Variants in CDH23 observed in about 807,000 individuals in gnomAD.
CDH23 encodes cadherin-23.
In CDH23, 189 loss-of-function variants were observed where a neutral mutation model predicts 317.1. The ratio of observed to expected loss-of-function variants is 0.60; its 90% CI spans 0.53 to 0.67. The LOEUF (loss-of-function observed/expected upper bound fraction) is 0.67. CDH23 is among the 30% of genes least tolerant of loss of function. The pLI, the probability that CDH23 is intolerant of heterozygous loss-of-function variation, is 0.00. For synonymous variants in CDH23, 1,839 were observed against 1,876.8 expected, an observed-to-expected ratio of 0.98 and a Z score of 0.52; for missense variants, 4,401 against 4,592.4, an observed-to-expected ratio of 0.96 and a Z score of 1.20.
intron 3 of CDH23, among the ~76,000 whole-genome samples, chr10:71,478,834 T>C (rs534312069): frequency 1.6e-3 from 245 of 152,372 alleles, no homozygotes; most frequent in Non-Finnish European, 3.1e-3. Flanking sequence ...TTTCATATTT[T>C]CTTAGAGCCC....
At chr10:71,415,919 A>G (rs1293012438) in intron 1 of CDH23, among the ~76,000 whole-genome samples, 1 of 152,196 alleles carries the variant, frequency 6.6e-6, no homozygotes, top group Non-Finnish European at 1.5e-5. Context: ...AGCATGGGGA[A>G]TTTTTATAAA....
intron 9 of CDH23, among the ~76,000 whole-genome samples, chr10:71,607,230 C>T (rs1278310975): frequency 6.6e-6 from 1 of 152,240 alleles, no homozygotes; most frequent in Non-Finnish European, 1.5e-5. Flanking sequence ...GGGGCTTAGG[C>T]TGCCCACACA....
At chr10:71,404,144 G>A (rs1199400717) in intron 1 of CDH23, among the ~76,000 whole-genome samples, 4 of 152,132 alleles carry the variant, frequency 2.6e-5, no homozygotes, top group Admixed American at 6.6e-5. Flanking sequence ...ATAAAATAAT[G>A]TCAACAGATC....
chr10:71,563,156 T>C (rs1285073697), intron 6 of CDH23, among the ~76,000 whole-genome samples: 2 of 152,116 alleles, frequency 1.3e-5, no homozygotes, highest in African/African-American at 2.4e-5. Flanking sequence ...TTTCCACTCT[T>C]CGACTCTGTC....
rs1382045512 is a variant in CDH23 at position 71,798,490 on chromosome 10, C to G, written c.6966C>G (p.Asp2322Glu). Residue 2322 changes from aspartate (D) to glutamate (E), a missense_variant, in exon 50 of 70, where the codon GAC becomes GAG. Transcript: ENST00000224721. ...CACTCATTGCTGTGGCAGCCGTGGA[C>G]CCTGACAAGGGCCTTAATGGGCTGG... ...GTTLIAVAAV[D>E]PDKGLNGLVT... 2 of 1,613,866 alleles carry G rather than the reference C, an allele frequency of 1.2e-6. No homozygotes were observed. Among genetic ancestry groups the G allele is most frequent in the East Asian group, 2.2e-5 (1 of 44,894 alleles).
intron 20 of CDH23, among the ~76,000 whole-genome samples, chr10:71,692,172 G>A (rs1865207579): frequency 6.6e-6 from 1 of 152,202 alleles, no homozygotes; most frequent in South Asian, 2.1e-4. Context: ...CTGAGCCACT[G>A]GGGAGGTTAA....
chr10:71,407,921 T>G (rs1848182362), intron 1 of CDH23, among the ~76,000 whole-genome samples: 2 of 152,186 alleles, frequency 1.3e-5, no homozygotes. Context: ...ACCAATCACT[T>G]GATTCAGTGA....
intron 6 of CDH23, among the ~76,000 whole-genome samples, chr10:71,544,049 G>A (rs1463165903): frequency 2.0e-5 from 3 of 152,216 alleles, no homozygotes; most frequent in African/African-American, 4.8e-5. Flanking sequence ...CCTCGTCCTC[G>A]TGGGGCAGGA....
Position 71,730,502 on chromosome 10 carries a change from G to A in CDH23, c.3613G>A (p.Ala1205Thr), listed in dbSNP as rs886047134. Residue 1205 changes from alanine to threonine, a missense_variant, in exon 31 of 70, where the codon GCC becomes ACC. This residue lies in a region of CDH23 where 3,068 missense variants were observed against 3,203.3 expected (regional missense o/e 0.96). Coordinates refer to ENST00000224721, the MANE Select transcript of CDH23 (RefSeq NM_022124.6). Reference protein sequence around the residue: ...IVYVEDINDEAPVFTQQQYSR... With the variant: ...IVYVEDINDETPVFTQQQYSR... ...GTACGTGGAGGACATCAACGATGAG[G>A]CCCCCGTGTTCACACAGCAGCAGTA... is the stretch of plus-strand genomic sequence containing the variant. The A allele has an allele frequency of 6.2e-7, 1 of 1,613,902 alleles. No homozygotes were observed. The highest frequency in any genetic ancestry group is 1.1e-5 in the South Asian group (1 of 91,076).
At chr10:71,806,137 T>C (rs1394202206) in intron 56 of CDH23, 31 bp from the exon 57 acceptor site, 2 of 1,543,672 alleles carry the variant, frequency 1.3e-6, no homozygotes, top group East Asian at 4.9e-5. Flanking sequence ...TCTCCCAGTC[T>C]TTTCCTCTGA....
chr10:71,809,841 G>T lies in CDH23; in HGVS notation c.8744G>T (p.Arg2915Leu). 2 of 1,612,676 alleles carry T rather than the reference G, an allele frequency of 1.2e-6. No homozygotes were observed. Among genetic ancestry groups the T allele is most frequent in the Non-Finnish European group, 1.7e-6 (2 of 1,179,540 alleles). The stretch of plus-strand genomic sequence containing the variant: ...GCAGGGAGCATGGACGGCATTCTGC[G>T]CACCTTCGACCTCTTCATGGCCTAC... ...FTMGSMDGILRTFDLFMAYSP... is the reference protein window; with the variant it reads ...FTMGSMDGILLTFDLFMAYSP... Residue 2915 changes from arginine (R) to leucine (L), a missense_variant, in exon 61 of 70, where the codon CGC becomes CTC. By Grantham distance (102) the Arg-to-Leu change is moderately radical. Transcript: ENST00000224721.
rs1854807835 is a variant in CDH23, at chr10:71,523,297, T to A, written c.429+12085T>A. Among the ~76,000 whole-genome samples the A allele has an allele frequency of 2.0e-5, 3 of 152,320 alleles. No individual in the cohort carries two copies. The South Asian group carries it at 6.2e-4, about 32-fold the overall frequency. ...TAGAACTGATTGTTTTTTCCTTTCCTGGTCAAGGCTGGGGCAGGGCCAGGG... is the reference window on the plus strand; with the variant it reads ...TAGAACTGATTGTTTTTTCCTTTCCAGGTCAAGGCTGGGGCAGGGCCAGGG... On this transcript the variant is annotated intron_variant, in intron 6 of 69. Transcript: ENST00000224721.
intron 11 of CDH23, among the ~76,000 whole-genome samples, chr10:71,626,051 A>G (rs1392195077): frequency 6.6e-6 from 1 of 152,268 alleles, no homozygotes. Context: ...TACAGCATGT[A>G]TGAGACTGAC....
At chr10:71,593,473 C>T (rs920739337) in intron 9 of CDH23, among the ~76,000 whole-genome samples, 2 of 152,148 alleles carry the variant, frequency 1.3e-5, no homozygotes, top group Non-Finnish European at 2.9e-5. Flanking sequence ...AATTGTTCTA[C>T]GTCAAAGGAG....
At chr10:71,575,505 T>A (rs1858125666) in intron 8 of CDH23, among the ~76,000 whole-genome samples, 1 of 152,132 alleles carries the variant, frequency 6.6e-6, no homozygotes, top group Non-Finnish European at 1.5e-5. Flanking sequence ...CTTAACCACC[T>A]TGTGGTGCTT....
At chr10:71,479,346 C>T (rs1478921754) in intron 3 of CDH23, among the ~76,000 whole-genome samples, 1 of 152,180 alleles carries the variant, frequency 6.6e-6, no homozygotes, top group African/African-American at 2.4e-5. Flanking sequence ...CCTCAGGGAA[C>T]CCGCAGTGTG....
rs1273131697 is a variant in CDH23 at position 71,446,393 on chromosome 10, T to G, written c.143T>G (p.Val48Gly). The G allele has an allele frequency of 5.6e-6, 9 of 1,613,930 alleles. No individual in the cohort carries two copies. The highest frequency in any genetic ancestry group is 7.6e-6 in the Non-Finnish European group (9 of 1,179,864). Residue 48 changes from valine (V) to glycine (G), a missense_variant and splice_region_variant, in exon 3 of 70, where the codon GTG (valine) becomes GGG (glycine). By Grantham distance (109) the Val-to-Gly change is moderately radical (BLOSUM62 -3). Coordinates refer to ENST00000224721, the MANE Select transcript of CDH23 (RefSeq NM_022124.6). ...CTGCTGATCAGCGAGGACACGCCTGTGGGTGAGTGGGGGCATGGGCTGGTG... is the reference window on the plus strand; with the variant it reads ...CTGCTGATCAGCGAGGACACGCCTGGGGGTGAGTGGGGGCATGGGCTGGTG... ...TYLLISEDTPVGSSVTQLLAQ... is the reference protein window; with the variant it reads ...TYLLISEDTPGGSSVTQLLAQ...
At chr10:71,484,380 G>A (rs921528320) in intron 3 of CDH23, among the ~76,000 whole-genome samples, 25 of 152,316 alleles carry the variant, frequency 1.6e-4, no homozygotes, top group African/African-American at 5.3e-4. Context: ...AGGAGGCAGC[G>A]GCAGGAAACT....
At chr10:71,764,660 C>T (rs1840485532) in intron 38 of CDH23, among the ~76,000 whole-genome samples, 1 of 152,212 alleles carries the variant, frequency 6.6e-6, no homozygotes. Flanking sequence ...TCGCCAGAGT[C>T]CGTCCGTACT....
Sources: gnomAD v4.1 joint callset for allele counts (sites outside exome capture counted in the v4.1 genomes callset) on GRCh38, gnomAD v4.1.1 for gene constraint, gnomAD v4.1.1 regional missense constraint, MANE v1.5 for transcripts, NCBI Gene and HGNC (gene_info 2026-07-23, HGNC 2026-07-21) for gene names.